Variants in SLC24A2 observed in about 807,000 individuals in gnomAD.
SLC24A2 encodes sodium/potassium/calcium exchanger 2.
SLC24A2 carries 36 observed loss-of-function variants against 62.0 expected under a neutral mutation model. The ratio of observed to expected loss-of-function variants is 0.58; its 90% CI spans 0.44 to 0.77. The LOEUF is 0.77. SLC24A2 is among the 30% of genes least tolerant of loss of function. The pLI, the probability that SLC24A2 is intolerant of heterozygous loss-of-function variation, is 0.00. For synonymous variants in SLC24A2, 358 were observed against 294.0 expected, an observed-to-expected ratio of 1.22 and a Z score of -2.23; for missense variants, 846 against 817.9, an observed-to-expected ratio of 1.03 and a Z score of -0.42.
At chr9:20,147,007 A>T in the SLC24A2 span, among the ~76,000 whole-genome samples, 1 of 152,068 alleles carries the variant, frequency 6.6e-6, no homozygotes, top group East Asian at 1.9e-4. Context: ...GTGTCCTATT[A>T]TTTAAAGAAT....
At chr9:20,129,542 G>A in the SLC24A2 span, among the ~76,000 whole-genome samples, 1 of 152,018 alleles carries the variant, frequency 6.6e-6, no homozygotes, top group African/African-American at 2.4e-5. Context: ...ACCACCAGCT[G>A]ATGAACAGAT....
the SLC24A2 span, among the ~76,000 whole-genome samples, chr9:19,865,693 A>G: frequency 6.6e-6 from 1 of 152,202 alleles, no homozygotes; most frequent in Non-Finnish European, 1.5e-5. Context: ...ATATACAAAA[A>G]TCAAATAAAA....
the SLC24A2 span, among the ~76,000 whole-genome samples, chr9:19,827,615 T>C: frequency 6.6e-6 from 1 of 152,182 alleles, no homozygotes; most frequent in African/African-American, 2.4e-5. Context: ...ATGTTTAATG[T>C]GGCATCTCTG....
the SLC24A2 span, among the ~76,000 whole-genome samples, chr9:20,165,192 C>T: frequency 6.6e-6 from 1 of 151,834 alleles, no homozygotes; most frequent in African/African-American, 2.4e-5. Context: ...CCTTATTCTT[C>T]ATAAGAATAT....
chr9:19,793,255 G>C (rs181975267), upstream of SLC24A2, among the ~76,000 whole-genome samples: 267 of 152,358 alleles, frequency 1.8e-3, 1 homozygote, highest in African/African-American at 5.6e-3. Context: ...TGTCCTTTGT[G>C]AAGTTTGCTG....
At chr9:19,861,717 G>C in the SLC24A2 span, among the ~76,000 whole-genome samples, 1 of 152,028 alleles carries the variant, frequency 6.6e-6, no homozygotes, top group Admixed American at 6.6e-5. Flanking sequence ...AATTCTATCA[G>C]ATACACTTAA....
At chr9:19,733,231 T>C (rs1285356423) in intron 2 of SLC24A2, among the ~76,000 whole-genome samples, 2 of 152,190 alleles carry the variant, frequency 1.3e-5, no homozygotes, top group Non-Finnish European at 2.9e-5. Context: ...GGATTTAGAA[T>C]TTTCTTGGAA....
At chr9:19,636,643 C>T (rs927216358) in intron 2 of SLC24A2, among the ~76,000 whole-genome samples, 1 of 151,906 alleles carries the variant, frequency 6.6e-6, no homozygotes, top group Non-Finnish European at 1.5e-5. Context: ...CCATGTTGGC[C>T]AGGCTGGTCT....
the SLC24A2 span, among the ~76,000 whole-genome samples, chr9:19,841,983 A>T: frequency 6.6e-6 from 1 of 152,204 alleles, no homozygotes. Flanking sequence ...ATTACTGTTG[A>T]GTATCCAATC....
chr9:20,054,564 T>A, the SLC24A2 span, among the ~76,000 whole-genome samples: 2 of 152,158 alleles, frequency 1.3e-5, no homozygotes, highest in East Asian at 3.8e-4. Flanking sequence ...AAAGTGTAGT[T>A]TTTTATACCT....
intron 2 of SLC24A2, among the ~76,000 whole-genome samples, chr9:19,720,165 G>A (rs137952682): frequency 3.2e-3 from 484 of 152,300 alleles, no homozygotes; most frequent in Non-Finnish European, 4.7e-3. Flanking sequence ...ATCAAGAAAT[G>A]TAGGTAACCC....
intron 2 of SLC24A2, among the ~76,000 whole-genome samples, chr9:19,773,521 T>G (rs1407867358): frequency 1.3e-5 from 2 of 152,172 alleles, no homozygotes; most frequent in Non-Finnish European, 2.9e-5. Context: ...AATTAGTCAT[T>G]TGCTGCTTGA....
the SLC24A2 span, among the ~76,000 whole-genome samples, chr9:19,848,974 C>G: frequency 6.6e-6 from 1 of 152,158 alleles, no homozygotes; most frequent in Non-Finnish European, 1.5e-5. Context: ...ATAAATAAAA[C>G]GTGGATTCTG....
intron 2 of SLC24A2, among the ~76,000 whole-genome samples, chr9:19,774,959 C>A (rs1276274443): frequency 6.6e-6 from 1 of 152,208 alleles, no homozygotes; most frequent in Non-Finnish European, 1.5e-5. Flanking sequence ...TCAGAGCTGG[C>A]AGTATCTTGG....
At chr9:19,560,820 T>G (rs1182072720) in intron 7 of SLC24A2, among the ~76,000 whole-genome samples, 1 of 152,252 alleles carries the variant, frequency 6.6e-6, no homozygotes, top group African/African-American at 2.4e-5. Flanking sequence ...CACTCATTCT[T>G]TATTGAGCCA....
chr9:20,004,691 T>C, the SLC24A2 span, among the ~76,000 whole-genome samples: 1 of 152,230 alleles, frequency 6.6e-6, no homozygotes, highest in Non-Finnish European at 1.5e-5. Flanking sequence ...GTTTTGTATA[T>C]GTGTTCATGG....
the SLC24A2 span, among the ~76,000 whole-genome samples, chr9:20,231,743 T>C: frequency 6.6e-6 from 1 of 152,306 alleles, no homozygotes; most frequent in African/African-American, 2.4e-5. Context: ...TCCTGCCTGA[T>C]TGCCCTGGCC....
At chr9:19,850,411 A>G in the SLC24A2 span, among the ~76,000 whole-genome samples, 1 of 152,190 alleles carries the variant, frequency 6.6e-6, no homozygotes, top group Non-Finnish European at 1.5e-5. Flanking sequence ...CAAAGCATAT[A>G]TATATGAGCA....
chr9:19,947,606 C>T, the SLC24A2 span, among the ~76,000 whole-genome samples: 39 of 151,528 alleles, frequency 2.6e-4, no homozygotes, highest in African/African-American at 3.9e-4. Context: ...CTGGCTAACA[C>T]GGTGAAACCC....
Sources: gnomAD v4.1 joint callset for allele counts (sites outside exome capture counted in the v4.1 genomes callset) on GRCh38, gnomAD v4.1.1 for gene constraint, MANE v1.5 for transcripts, NCBI Gene and HGNC (gene_info 2026-07-23, HGNC 2026-07-21) for gene names.